The following PRELID3B variants were observed in gnomAD, a reference collection of about 807,000 sequenced individuals.
PRELID3B encodes PRELI domain containing protein 3B.
PRELID3B carries 15 observed loss-of-function variants against 24.0 expected under a neutral mutation model. The observed-to-expected ratio is 0.63, with a 90% CI of 0.42 to 0.96. The LOEUF is 0.96. Ranked by LOEUF, PRELID3B falls within the 40% of genes least tolerant of loss-of-function variation. PRELID3B has a pLI of 0.00. For synonymous variants in PRELID3B, 62 were observed against 76.0 expected, an observed-to-expected ratio of 0.82 and a Z score of 0.96; for missense variants, 189 against 236.0, an observed-to-expected ratio of 0.80 and a Z score of 1.30.
chr20:59,037,355 G>A (rs1417942642), intron 2 of PRELID3B, 75 bp from the exon 3 acceptor site: 8 of 1,094,376 alleles, frequency 7.3e-6, no homozygotes, highest in East Asian at 4.9e-5. Context: ...TTTATTTGAA[G>A]GAAAAAATGT....
At chr20:59,042,601 C>A in intron 1 of PRELID3B, 98 bp downstream of exon 1, 1 of 1,381,150 alleles carries the variant, frequency 7.2e-7, no homozygotes, top group South Asian at 1.3e-5. Context: ...TCGCTAGGCC[C>A]GACGCCTAGA....
chr20:59,039,922 T>C (rs2092099477), intron 1 of PRELID3B, among the ~76,000 whole-genome samples: 1 of 152,128 alleles, frequency 6.6e-6, no homozygotes. Context: ...ATAAGCAGAG[T>C]TGCTTCATCA....
rs61329417 is a variant in PRELID3B, at chr20:59,038,649, CAA to C, written c.33-17_33-16del. Reference sequence around the variant, plus strand: ...CCCACGGGTGGCTGCCGATGTGAACCAAAAAAAAAAAAAAAAAAATTCAGACA... The same window carrying C: ...CCCACGGGTGGCTGCCGATGTGAACCAAAAAAAAAAAAAAAAATTCAGACA... On this transcript the variant is annotated splice_polypyrimidine_tract_variant and intron_variant, in intron 1 of 5. Transcript: ENST00000355937. 0.17 allele frequency: 198,004 copies of C among 1,164,008 alleles called. 2 individuals are homozygous for C. The highest frequency in any genetic ancestry group is 0.27 in the East Asian group (8,723 of 32,860). 72.1% of individuals were successfully genotyped at this position (1,164,008 alleles called of 1,614,324 possible).
chr20:59,035,189 T>C (rs1289039100), intron 5 of PRELID3B, 63 bp from the exon 6 acceptor site: 6 of 1,476,086 alleles, frequency 4.1e-6, no homozygotes, highest in Middle Eastern at 3.6e-4. Flanking sequence ...ATCGAACTAA[T>C]GACACACCAG....
Position 59,034,964 on chromosome 20 carries a change from G to C in PRELID3B, c.*43C>G, listed in dbSNP as rs780344404. The stretch of plus-strand genomic sequence containing the variant: ...TAACAAATAAATATATAGTCAGTTT[G>C]GAGAGACCTGGAGTACCCGATGTTG... On this transcript the variant is annotated 3_prime_UTR_variant, in exon 6 of 6. Transcript: ENST00000355937. 1 of 1,527,624 alleles carries C rather than the reference G, an allele frequency of 6.5e-7. No individual in the cohort carries two copies. Among genetic ancestry groups the C allele is most frequent in the South Asian group, 1.3e-5 (1 of 79,388 alleles). The allele number at this position is 1,527,624 out of a possible 1,614,324, so 94.6% of individuals were successfully genotyped here.
At chr20:59,041,561 T>A (rs775645768) in intron 1 of PRELID3B, among the ~76,000 whole-genome samples, 6 of 151,938 alleles carry the variant, frequency 3.9e-5, no homozygotes, top group Non-Finnish European at 8.8e-5. Context: ...ATGGTGAAAC[T>A]CCGTCTCTAC....
At chr20:59,036,002 G>T (rs2092069285) in intron 5 of PRELID3B, among the ~76,000 whole-genome samples, 1 of 152,072 alleles carries the variant, frequency 6.6e-6, no homozygotes, top group African/African-American at 2.4e-5. Context: ...TATGTATAAA[G>T]CCCACACATA....
intron 1 of PRELID3B, 36 bp from the exon 2 acceptor site, chr20:59,038,670 T>C: frequency 7.8e-7 from 1 of 1,285,880 alleles, no homozygotes; most frequent in African/African-American, 1.6e-5. Flanking sequence ...AAAAAAAAAT[T>C]CAGACATTTA....
At chr20:59,037,417 G>A (rs2092081529) in intron 2 of PRELID3B, 137 bp from the exon 3 acceptor site, 3 of 743,276 alleles carry the variant, frequency 4.0e-6, no homozygotes, top group Admixed American at 2.0e-5. Context: ...GAGGAAACAA[G>A]CAAAGGTCAG....
chr20:59,040,213 C>G lies in PRELID3B; in HGVS notation c.33-1579G>C, dbSNP rs1244850086. ...GTTGACTTAGCTTGGCTCAAGATTG[C>G]TTTATGAACCATAACCAGCTCAAAC... On this transcript the variant is annotated intron_variant, in intron 1 of 5. Transcript: ENST00000355937. The surrounding 1 kb of genome is among the most constrained non-coding windows in gnomAD (Gnocchi z 4.1). Among the ~76,000 whole-genome samples, 1 of 152,226 alleles carries G rather than the reference C, an allele frequency of 6.6e-6. No individual in the cohort carries two copies. The highest frequency in any genetic ancestry group is 6.5e-5 in the Admixed American group (1 of 15,280).
intron 1 of PRELID3B, among the ~76,000 whole-genome samples, chr20:59,041,152 A>T (rs1003408282): frequency 2.0e-5 from 3 of 152,206 alleles, no homozygotes; most frequent in Non-Finnish European, 2.9e-5. Flanking sequence ...CCTCTGAAGC[A>T]TGCAAACCCA....
At position 59,041,155 on chromosome 20, in the gene PRELID3B, C is replaced by A. The variant is rs1601254419; in HGVS notation, c.32+1544G>T. On this transcript the variant is annotated intron_variant, in intron 1 of 5. Coordinates refer to ENST00000355937, the MANE Select transcript of PRELID3B (RefSeq NM_016045.3). ...GAGTGCCGAGAACCTCTGAAGCATG[C>A]AAACCCAGAAGAGGACTGAAGCATG... Among the ~76,000 whole-genome samples the A allele has an allele frequency of 7.2e-5, 11 of 152,234 alleles. No homozygotes were observed. The South Asian group carries it at 2.3e-3, about 32-fold the overall frequency.
chr20:59,035,272 A>T lies in PRELID3B; in HGVS notation c.466-146T>A, dbSNP rs1306533484. On this transcript the variant is annotated intron_variant, in intron 5 of 5. Coordinates refer to ENST00000355937, the MANE Select transcript of PRELID3B (RefSeq NM_016045.3). ...ATCGTTTTTGTCCTGGCTTTTTCTA[A>T]TGTTATTTAGCAAACATCAAATGCC... 4.4e-6 allele frequency: 3 copies of T among 677,410 alleles called. No homozygotes were observed. In the African/African-American group the frequency reaches 5.4e-5, roughly 12 times the overall value. 42.0% of individuals were successfully genotyped at this position (677,410 alleles called of 1,614,324 possible).
intron 1 of PRELID3B, among the ~76,000 whole-genome samples, chr20:59,039,189 A>G (rs1051348283): frequency 4.6e-5 from 7 of 152,204 alleles, no homozygotes; most frequent in African/African-American, 7.2e-5. Flanking sequence ...TCCTCCAGTC[A>G]ATCTTTATCT....
chr20:59,042,754 C>A lies in PRELID3B; in HGVS notation c.-24G>T. 1 of 1,597,072 alleles carries A rather than the reference C, an allele frequency of 6.3e-7. No homozygotes were observed. The highest frequency in any genetic ancestry group is 1.3e-5 in the African/African-American group (1 of 74,892). ...ATGGTGCCGGCACCCTGAGAGATGT[C>A]CGGGTAGCGCCAGGGGACAACGAGG... On this transcript the variant is annotated 5_prime_UTR_variant, in exon 1 of 6. Coordinates refer to ENST00000355937, the MANE Select transcript of PRELID3B (RefSeq NM_016045.3).
chr20:59,041,171 C>G (rs2092107363), intron 1 of PRELID3B, among the ~76,000 whole-genome samples: 1 of 152,128 alleles, frequency 6.6e-6, no homozygotes, highest in South Asian at 2.1e-4. Flanking sequence ...CAGAAGAGGA[C>G]TGAAGCATGC....
intron 1 of PRELID3B, among the ~76,000 whole-genome samples, chr20:59,042,415 G>A (rs2092116714): frequency 6.6e-6 from 1 of 152,198 alleles, no homozygotes; most frequent in Admixed American, 6.5e-5. Context: ...GAGGCCGCCG[G>A]CCCGAGGCTA....
At position 59,035,136 on chromosome 20, in the gene PRELID3B, A is replaced by T. The variant is rs1017641944; in HGVS notation, c.466-10T>A. ...CCATTGCTTCTCGGCCCTTAAAAAA[A>T]ATCCAATACATTTATTGTTACTGAG... On this transcript the variant is annotated splice_polypyrimidine_tract_variant and intron_variant, in intron 5 of 5. Transcript: ENST00000355937. The T allele has an allele frequency of 1.2e-6, 2 of 1,604,834 alleles. No individual in the cohort carries two copies. The highest frequency in any genetic ancestry group is 1.3e-5 in the African/African-American group (1 of 74,572).
chr20:59,041,618 C>A (rs1220988706), intron 1 of PRELID3B, among the ~76,000 whole-genome samples: 1 of 151,922 alleles, frequency 6.6e-6, no homozygotes, highest in Non-Finnish European at 1.5e-5. Flanking sequence ...GCCTGTAATC[C>A]CAGCTACTTG....
Sources: allele counts gnomAD v4.1 joint callset (sites outside exome capture counted in the v4.1 genomes callset), GRCh38; gene constraint gnomAD v4.1.1; non-coding constraint Gnocchi (gnomAD v3.1); transcripts MANE v1.5; gene names NCBI Gene and HGNC (gene_info 2026-07-23, HGNC 2026-07-21).